The following SERPINB11 variants were observed in gnomAD, a reference collection of about 807,000 sequenced individuals.
The protein encoded by SERPINB11 is serpin B11.
SERPINB11 carries 32 observed loss-of-function variants against 36.7 expected under a neutral mutation model. That is an observed-to-expected ratio of 0.87 (90% CI 0.66 to 1.17). The LOEUF (loss-of-function observed/expected upper bound fraction) is 1.17, where lower values mean the gene tolerates loss of function less well. Among genes scored for constraint, SERPINB11 ranks in the 50% most tolerant of loss-of-function variants. SERPINB11 has a pLI of 0.00. For synonymous variants in SERPINB11, 174 were observed against 168.1 expected, an observed-to-expected ratio of 1.04 and a Z score of -0.27; for missense variants, 528 against 458.4, an observed-to-expected ratio of 1.15 and a Z score of -1.39.
intron 1 of SERPINB11, among the ~76,000 whole-genome samples, chr18:63,706,885 G>GA (rs1914385890): frequency 6.6e-6 from 1 of 152,132 alleles, no homozygotes; most frequent in Non-Finnish European, 1.5e-5. Context: ...TCTTAGACTA[G>GA]CTACCTCACG....
intron 1 of SERPINB11, among the ~76,000 whole-genome samples, chr18:63,709,894 T>C (rs1914472818): frequency 1.3e-5 from 2 of 152,200 alleles, no homozygotes; most frequent in South Asian, 4.1e-4. Flanking sequence ...AATCTTTTGC[T>C]CCAGAACTAT....
chr18:63,714,781 G>A (rs1000038489), intron 4 of SERPINB11, among the ~76,000 whole-genome samples: 1 of 151,954 alleles, frequency 6.6e-6, no homozygotes, highest in Non-Finnish European at 1.5e-5. Flanking sequence ...CATGCTTTAC[G>A]AACAATTTGT....
rs147358445 is a variant in SERPINB11 at position 63,714,555 on chromosome 18, T to G, written c.358-1480T>G. 2.6e-3 allele frequency among the ~76,000 whole-genome samples: 394 copies of G among 152,166 alleles called. 2 individuals carry two copies. Among genetic ancestry groups the G allele is most frequent in the African/African-American group, 8.9e-3 (368 of 41,500 alleles). On this transcript the variant is annotated intron_variant, in intron 4 of 7. Coordinates refer to ENST00000544088, the MANE Select transcript of SERPINB11 (RefSeq NM_001370475.1). ...TCCCAGAGCAGCCATTTCAGAGACC[T>G]CCCCCTAGGAACGCATTCTCTTTCT...
intron 1 of SERPINB11, among the ~76,000 whole-genome samples, chr18:63,707,473 C>G (rs193161223): frequency 5.9e-5 from 9 of 152,298 alleles, no homozygotes; most frequent in Admixed American, 5.9e-4. Context: ...CTTTTGGACT[C>G]TTATTTCATG....
intron 1 of SERPINB11, among the ~76,000 whole-genome samples, chr18:63,707,976 G>A (rs1230181483): frequency 6.6e-6 from 1 of 152,224 alleles, no homozygotes; most frequent in Non-Finnish European, 1.5e-5. Context: ...CCTTAGTAAT[G>A]AGATGCTATC....
intron 1 of SERPINB11, among the ~76,000 whole-genome samples, chr18:63,703,824 T>C (rs977679660): frequency 6.6e-6 from 1 of 152,232 alleles, no homozygotes; most frequent in Non-Finnish European, 1.5e-5. Flanking sequence ...TAAGATAAGA[T>C]GTGTTCCCTT....
chr18:63,715,833 A>G (rs1255249779), intron 4 of SERPINB11, among the ~76,000 whole-genome samples: 1 of 152,232 alleles, frequency 6.6e-6, no homozygotes, highest in Non-Finnish European at 1.5e-5. Flanking sequence ...ATTTCTGAAC[A>G]TTCCTTTTGG....
rs766698008 is a variant in SERPINB11, at chr18:63,710,303, A to T, written c.110A>T (p.Tyr37Phe). The change falls in exon 2 of 8, where the codon TAT (tyrosine) becomes TTT (phenylalanine). Residue 37 changes from tyrosine to phenylalanine, a missense_variant. By Grantham distance (22) the Tyr-to-Phe change is conservative (BLOSUM62 3). Coordinates refer to ENST00000544088, the MANE Select transcript of SERPINB11 (RefSeq NM_001370475.1). ...TTCTTTTCTTCGCTGAGTCTGCTTT[A>T]TGCTCTAAGCATGGTCCTCCTTGGT... Reference protein sequence around the residue: ...NIFFSSLSLLYALSMVLLGAR... With the variant: ...NIFFSSLSLLFALSMVLLGAR... The T allele has an allele frequency of 3.1e-6, 5 of 1,613,864 alleles. No homozygotes were observed. The highest frequency in any genetic ancestry group is 4.2e-6 in the Non-Finnish European group (5 of 1,179,792).
rs1169175047 is a variant in SERPINB11, at chr18:63,723,663, A to G, written c.*264A>G. ...TCTCATTTGAGTGCTGTCCAGTGAC[A>G]TGATCAAGTCAATGAGTAAAATTTT... On this transcript the variant is annotated 3_prime_UTR_variant, in exon 8 of 8. Transcript: ENST00000544088. 1.7e-5 allele frequency: 6 copies of G among 362,300 alleles called. No individual in the cohort carries two copies. The highest frequency in any genetic ancestry group is 3.0e-5 in the Non-Finnish European group (6 of 202,976). 22.4% of individuals were successfully genotyped at this position (362,300 alleles called of 1,614,324 possible). A position where few individuals can be genotyped will look rare whatever the true frequency, so the allele number is the denominator to read the frequency against.
intron 4 of SERPINB11, among the ~76,000 whole-genome samples, chr18:63,715,161 G>A (rs1284928668): frequency 6.6e-6 from 1 of 152,072 alleles, no homozygotes; most frequent in Non-Finnish European, 1.5e-5. Context: ...GTCTTGTATT[G>A]TTCTATTCAG....
chr18:63,719,441 G>C (rs1267865293), intron 5 of SERPINB11, among the ~76,000 whole-genome samples: 1 of 151,960 alleles, frequency 6.6e-6, no homozygotes, highest in Non-Finnish European at 1.5e-5. Flanking sequence ...AAATTGCAAT[G>C]TACCAAAATG....
At chr18:63,722,707 G>A (rs1037510567) in intron 7 of SERPINB11, among the ~76,000 whole-genome samples, 3 of 152,202 alleles carry the variant, frequency 2.0e-5, no homozygotes, top group East Asian at 3.8e-4. Context: ...CTTCACAGGC[G>A]AGAGTGGGAG....
At position 63,710,184 on chromosome 18, in the gene SERPINB11, C is replaced by G; in HGVS notation, c.-10C>G. The G allele has an allele frequency of 6.3e-7, 1 of 1,598,518 alleles. No homozygotes were observed. Among genetic ancestry groups the G allele is most frequent in the Non-Finnish European group, 8.5e-7 (1 of 1,172,690 alleles). ...TTTTTCCCTTCTGTTCTCAGGCAGT[C>G]GGCATAAAAATGGGTTCTCTCAGCA... On this transcript the variant is annotated 5_prime_UTR_variant, in exon 2 of 8. Transcript: ENST00000544088.
intron 1 of SERPINB11, among the ~76,000 whole-genome samples, chr18:63,703,877 C>T (rs998735189): frequency 6.6e-6 from 1 of 152,264 alleles, no homozygotes; most frequent in Non-Finnish European, 1.5e-5. Context: ...GGAAATCCCT[C>T]TTCTCAACCT....
At chr18:63,722,496 G>A (rs1275286118) in intron 7 of SERPINB11, among the ~76,000 whole-genome samples, 2 of 152,210 alleles carry the variant, frequency 1.3e-5, no homozygotes, top group African/African-American at 2.4e-5. Context: ...AGGTGGCCCA[G>A]AGTTCAGCTT....
intron 7 of SERPINB11, among the ~76,000 whole-genome samples, chr18:63,722,135 T>C (rs1184555397): frequency 6.6e-6 from 1 of 152,172 alleles, no homozygotes; most frequent in South Asian, 2.1e-4. Context: ...CAAGGCAGCA[T>C]GAGCTGTGGC....
At chr18:63,722,856 C>A in intron 7 of SERPINB11, 139 bp from the exon 8 acceptor site, 6 of 784,500 alleles carry the variant, frequency 7.6e-6, no homozygotes, top group Middle Eastern at 3.0e-4. Flanking sequence ...GATTTTGTTC[C>A]CAGGTAAGTA....
In SERPINB11 at chr18:63,723,049, A is replaced by G. The variant is rs765008784; in HGVS notation, c.829A>G (p.Met277Val). 101 of 1,602,920 alleles carry G rather than the reference A, an allele frequency of 6.3e-5. No homozygotes were observed. Among genetic ancestry groups the G allele is most frequent in the Non-Finnish European group, 7.4e-5 (87 of 1,174,754 alleles). Residue 277 changes from methionine to valine, a missense_variant, in exon 8 of 8, where the codon ATG (methionine) becomes GTG (valine). Met to Val is a conservative substitution (Grantham distance 21). Coordinates refer to ENST00000544088, the MANE Select transcript of SERPINB11 (RefSeq NM_001370475.1). ...TFHEWTSSSNMMEREVEVHLP... is the reference protein window; with the variant it reads ...TFHEWTSSSNVMEREVEVHLP... ...TCATGAGTGGACAAGCTCTTCTAAC[A>G]TGATGGAAAGAGAAGTTGAAGTACA... is the stretch of plus-strand genomic sequence containing the variant.
At chr18:63,714,965 A>C (rs1030680026) in intron 4 of SERPINB11, among the ~76,000 whole-genome samples, 1 of 152,192 alleles carries the variant, frequency 6.6e-6, no homozygotes, top group African/African-American at 2.4e-5. Context: ...TGCAATAAAG[A>C]CAGGTGTAAG....
Sources: allele counts gnomAD v4.1 joint callset (sites outside exome capture counted in the v4.1 genomes callset), GRCh38; gene constraint gnomAD v4.1.1; transcripts MANE v1.5; gene names NCBI Gene and HGNC (gene_info 2026-07-23, HGNC 2026-07-21).